The following MYO3A variants were observed in gnomAD, a reference collection of about 807,000 sequenced individuals.
MYO3A encodes myosin-IIIa.
Under a neutral mutation model 192.7 loss-of-function variants are expected in MYO3A, and 180 were observed. That is an observed-to-expected ratio of 0.93 (90% CI 0.83 to 1.06). MYO3A has a LOEUF of 1.06. Ranked by LOEUF, MYO3A falls within the 50% of genes least tolerant of loss-of-function variation. The probability of loss-of-function intolerance (pLI) is 0.00; values close to 1 mark genes in which losing one functional copy is unlikely to be tolerated. For missense variants in MYO3A, 1,896 were observed against 1,905.0 expected, an observed-to-expected ratio of 1.00 and a Z score of 0.09; for synonymous variants, 628 against 645.3, an observed-to-expected ratio of 0.97 and a Z score of 0.41.
chr10:26,110,704 C>T (rs1838111760), intron 17 of MYO3A, among the ~76,000 whole-genome samples: 1 of 151,886 alleles, frequency 6.6e-6, no homozygotes, highest in South Asian at 2.1e-4. Context: ...GTGTGCATAC[C>T]CTTGTACATG....
chr10:26,179,113 T>TTTTTTTTTTTTTTTTTG (rs1386278741), intron 31 of MYO3A, among the ~76,000 whole-genome samples: 2 of 141,932 alleles, frequency 1.4e-5, no homozygotes, highest in African/African-American at 5.4e-5. Flanking sequence ...TTTTTTTTTT[T>TTTTTTTTTTTTTTTTTG]TTGAGACGGA....
intron 20 of MYO3A, among the ~76,000 whole-genome samples, chr10:26,134,961 C>G (rs1407934225): frequency 6.6e-6 from 1 of 152,156 alleles, no homozygotes; most frequent in Non-Finnish European, 1.5e-5. Flanking sequence ...TTTCCTGTTG[C>G]AAACGTTCTG....
intron 29 of MYO3A, among the ~76,000 whole-genome samples, chr10:26,170,792 A>G (rs1842011288): frequency 6.6e-6 from 1 of 152,210 alleles, no homozygotes; most frequent in Non-Finnish European, 1.5e-5. Flanking sequence ...GTCCTTTGCT[A>G]ATATGTCCTC....
chr10:26,207,104 T>C (rs1280097187), intron 34 of MYO3A, among the ~76,000 whole-genome samples: 11 of 152,132 alleles, frequency 7.2e-5, no homozygotes, highest in African/African-American at 2.6e-4. Flanking sequence ...TTTCCTTATA[T>C]ATTTTGGATA....
At chr10:26,058,254 T>C (rs1834237971) in intron 10 of MYO3A, among the ~76,000 whole-genome samples, 1 of 152,240 alleles carries the variant, frequency 6.6e-6, no homozygotes, top group Admixed American at 6.5e-5. Flanking sequence ...TTTTTTCAGA[T>C]TAAGTTCTTT....
intron 7 of MYO3A, among the ~76,000 whole-genome samples, chr10:26,020,327 C>G (rs759567619): frequency 3.3e-5 from 5 of 152,156 alleles, no homozygotes; most frequent in Non-Finnish European, 7.3e-5. Flanking sequence ...TAAACTGTTT[C>G]CTGTCATTGC....
intron 31 of MYO3A, among the ~76,000 whole-genome samples, chr10:26,189,576 T>C (rs1371895803): frequency 6.6e-6 from 1 of 152,130 alleles, no homozygotes; most frequent in East Asian, 1.9e-4. Flanking sequence ...ATAAACATCG[T>C]CTCTCAGGGC....
intron 4 of MYO3A, among the ~76,000 whole-genome samples, chr10:25,996,024 C>G (rs1275148637): frequency 6.6e-6 from 1 of 152,226 alleles, no homozygotes; most frequent in Non-Finnish European, 1.5e-5. Flanking sequence ...CTACTCTCTT[C>G]AAAGCTGTCA....
At chr10:25,957,063 A>G (rs1168176019) in intron 4 of MYO3A, among the ~76,000 whole-genome samples, 1 of 152,152 alleles carries the variant, frequency 6.6e-6, no homozygotes, top group African/African-American at 2.4e-5. Flanking sequence ...ACATGATCTC[A>G]GTCTTTTTTA....
intron 20 of MYO3A, among the ~76,000 whole-genome samples, chr10:26,137,035 A>T (rs1839895081): frequency 6.6e-6 from 1 of 152,108 alleles, no homozygotes; most frequent in Non-Finnish European, 1.5e-5. Context: ...AAAACAAAAA[A>T]AAAAGACCCA....
At chr10:26,119,578 G>T (rs771581285) in intron 17 of MYO3A, among the ~76,000 whole-genome samples, 1 of 152,040 alleles carries the variant, frequency 6.6e-6, no homozygotes, top group Non-Finnish European at 1.5e-5. Context: ...TTGGAATATG[G>T]GAGTGAATGG....
chr10:26,051,760 G>T (rs1387012187), intron 10 of MYO3A, among the ~76,000 whole-genome samples: 1 of 151,918 alleles, frequency 6.6e-6, no homozygotes, highest in Non-Finnish European at 1.5e-5. Flanking sequence ...AATCAGGCTT[G>T]CCACCTATTT....
At chr10:26,077,233 G>GTTTTTTTTTTTT (rs34464120) in intron 14 of MYO3A, among the ~76,000 whole-genome samples, 2,768 of 36,184 alleles carry the variant, frequency 0.076, 643 homozygotes, top group Middle Eastern at 0.17. Context: ...TATTCCTAAG[G>GTTTTTTTTTTTT]TTTTTTTTTT....
chr10:25,939,602 A>G (rs1256514670), intron 2 of MYO3A, among the ~76,000 whole-genome samples: 1 of 151,692 alleles, frequency 6.6e-6, no homozygotes, highest in Non-Finnish European at 1.5e-5. Flanking sequence ...ATGCAATTGT[A>G]TAGTTGTTTT....
intron 4 of MYO3A, among the ~76,000 whole-genome samples, chr10:25,990,133 G>T (rs990705550): frequency 6.6e-6 from 1 of 152,078 alleles, no homozygotes; most frequent in African/African-American, 2.4e-5. Flanking sequence ...TAACTTTGGA[G>T]AACCCAGATG....
intron 2 of MYO3A, among the ~76,000 whole-genome samples, chr10:25,939,289 T>A (rs58232442): frequency 0.01 from 1,562 of 151,850 alleles, 28 homozygotes; most frequent in African/African-American, 0.035. Context: ...TCTCCCTATT[T>A]AAAAAAAATT....
intron 31 of MYO3A, 24 bp downstream of exon 31, chr10:26,176,869 T>C: frequency 6.2e-7 from 1 of 1,611,410 alleles, no homozygotes; most frequent in Non-Finnish European, 8.5e-7. Flanking sequence ...GAGTTAGAAC[T>C]TCCTGAATGG....
At chr10:26,010,467 T>TG (rs1336913772) in intron 6 of MYO3A, among the ~76,000 whole-genome samples, 134 of 143,112 alleles carry the variant, frequency 9.4e-4, no homozygotes, top group Middle Eastern at 3.6e-3. Context: ...TTTTTTTTTT[T>TG]TTTTGTTTTG....
rs1180441540 is a variant in MYO3A at position 26,174,289 on chromosome 10, C to A, written c.4025C>A (p.Ala1342Asp). ...KERQVEPVTQ[A>D]QEEEDKAAVF... is the part of the protein sequence containing the mutation. ...AGGCAAGTTGAACCAGTGACACAGGCCCAGGAGGAAGAAGATAAAGCAGCG... is the reference window on the plus strand; with the variant it reads ...AGGCAAGTTGAACCAGTGACACAGGACCAGGAGGAAGAAGATAAAGCAGCG... Residue 1342 changes from alanine (A) to aspartate (D), a missense_variant, in exon 30 of 35, where the codon GCC (alanine) becomes GAC (aspartate). Transcript: ENST00000642920. 1 of 1,613,918 alleles carries A rather than the reference C, an allele frequency of 6.2e-7. No individual in the cohort carries two copies. The highest frequency in any genetic ancestry group is 1.7e-5 in the Admixed American group (1 of 59,998).
Sources: allele counts gnomAD v4.1 joint callset (sites outside exome capture counted in the v4.1 genomes callset), GRCh38; gene constraint gnomAD v4.1.1; transcripts MANE v1.5; gene names NCBI Gene and HGNC (gene_info 2026-07-23, HGNC 2026-07-21).